Variants in PTH2R observed in about 807,000 individuals in gnomAD.
PTH2R encodes the protein parathyroid hormone 2 receptor, also known as PTH2 receptor.
A neutral mutation model predicts 60.3 loss-of-function variants in PTH2R; 59 were observed. That is an observed-to-expected ratio of 0.98 (90% CI 0.79 to 1.22). The LOEUF is 1.22. Ranked by LOEUF, PTH2R falls within the 50% of genes most tolerant of loss-of-function variation. PTH2R has a pLI of 0.00. For missense variants in PTH2R, 749 were observed against 682.6 expected, an observed-to-expected ratio of 1.10 and a Z score of -1.08; for synonymous variants, 256 against 243.8, an observed-to-expected ratio of 1.05 and a Z score of -0.47.
At chr2:208,426,703 C>T (rs75825260) in intron 1 of PTH2R, among the ~76,000 whole-genome samples, 6,323 of 152,252 alleles carry the variant, frequency 0.042, 409 homozygotes, top group African/African-American at 0.14. Context: ...GCACTCGCTT[C>T]GTCCTGCTGC....
intron 1 of PTH2R, among the ~76,000 whole-genome samples, chr2:208,424,985 A>T (rs1701828451): frequency 6.6e-6 from 1 of 152,188 alleles, no homozygotes. Context: ...CAAGAAACTA[A>T]GCAAATCAAA....
At chr2:208,369,716 G>A (rs1700658717) in intron 1 of PTH2R, among the ~76,000 whole-genome samples, 1 of 152,038 alleles carries the variant, frequency 6.6e-6, no homozygotes, top group South Asian at 2.1e-4. Flanking sequence ...AGTGGTCAGA[G>A]AAATGTGAAG....
intron 1 of PTH2R, among the ~76,000 whole-genome samples, chr2:208,369,366 C>T (rs1422043337): frequency 3.9e-4 from 53 of 135,076 alleles, no homozygotes; most frequent in African/African-American, 1.3e-3. Flanking sequence ...ACTGGTCTCT[C>T]TCTCTTTTTT....
chr2:208,431,821 A>C (rs1255388994), intron 2 of PTH2R, among the ~76,000 whole-genome samples: 1 of 152,234 alleles, frequency 6.6e-6, no homozygotes, highest in Non-Finnish European at 1.5e-5. Flanking sequence ...TAAACAGGTC[A>C]ATAGAAGCCT....
intron 7 of PTH2R, among the ~76,000 whole-genome samples, chr2:208,449,630 A>G (rs982062476): frequency 5.3e-5 from 8 of 152,200 alleles, no homozygotes; most frequent in African/African-American, 1.7e-4. Flanking sequence ...TTCAGTAGTG[A>G]TATAGGCAGG....
At chr2:208,444,712 A>T (rs750413695) in intron 6 of PTH2R, 22 bp from the exon 7 acceptor site, 1 of 1,607,270 alleles carries the variant, frequency 6.2e-7, no homozygotes, top group Non-Finnish European at 8.5e-7. Flanking sequence ...AATATGATGA[A>T]ATTCTGGTTT....
At chr2:208,481,541 T>C (rs566844056) in intron 10 of PTH2R, among the ~76,000 whole-genome samples, 1 of 152,306 alleles carries the variant, frequency 6.6e-6, no homozygotes, top group African/African-American at 2.4e-5. Flanking sequence ...AGAACAGATA[T>C]AAATTGATTT....
chr2:208,434,500 C>T (rs1264031799), intron 2 of PTH2R, among the ~76,000 whole-genome samples: 2 of 152,056 alleles, frequency 1.3e-5, no homozygotes, highest in Non-Finnish European at 2.9e-5. Context: ...AACGAGAAAG[C>T]TGTCCCTTTT....
chr2:208,470,218 G>T (rs1429199322), intron 9 of PTH2R, among the ~76,000 whole-genome samples: 1 of 152,188 alleles, frequency 6.6e-6, no homozygotes, highest in East Asian at 1.9e-4. Context: ...TTAGGGAAAA[G>T]AAAAGGAGGA....
At chr2:208,441,631 A>G (rs557413380) in intron 4 of PTH2R, among the ~76,000 whole-genome samples, 159 of 152,358 alleles carry the variant, frequency 1.0e-3, no homozygotes, top group Non-Finnish European at 2.0e-3. Context: ...TAGAGACAGA[A>G]AACAGATTAA....
At chr2:208,428,577 T>G (rs1051340687) in intron 2 of PTH2R, among the ~76,000 whole-genome samples, 1 of 152,214 alleles carries the variant, frequency 6.6e-6, no homozygotes, top group Admixed American at 6.5e-5. Flanking sequence ...TCTTCAGGGT[T>G]TGTCTGCCTG....
chr2:208,429,703 G>A (rs1254357629), intron 2 of PTH2R, among the ~76,000 whole-genome samples: 1 of 151,870 alleles, frequency 6.6e-6, no homozygotes. Flanking sequence ...TATTCGCATT[G>A]TTGTGCAATC....
chr2:208,407,181 C>T (rs1041413103), intron 1 of PTH2R, 63 bp downstream of exon 1: 2 of 1,347,692 alleles, frequency 1.5e-6, no homozygotes, highest in Non-Finnish European at 1.9e-6. Flanking sequence ...TCAGCTTTAG[C>T]GACACGGAGG....
chr2:208,374,871 A>T (rs544159191), intron 1 of PTH2R, among the ~76,000 whole-genome samples: 1 of 152,094 alleles, frequency 6.6e-6, no homozygotes, highest in Non-Finnish European at 1.5e-5. Flanking sequence ...ATCAAAAAAC[A>T]TGCATTGAAC....
intron 1 of PTH2R, 31 bp from the exon 2 acceptor site, chr2:208,428,170 G>A: frequency 6.6e-7 from 1 of 1,511,636 alleles, no homozygotes; most frequent in Non-Finnish European, 9.2e-7. Flanking sequence ...AAAACATGAT[G>A]AAAATGTTTG....
intron 2 of PTH2R, among the ~76,000 whole-genome samples, chr2:208,429,336 T>C (rs1045550133): frequency 6.6e-6 from 1 of 152,168 alleles, no homozygotes; most frequent in African/African-American, 2.4e-5. Context: ...ATGATGAATA[T>C]TTCAACTTTT....
chr2:208,401,043 G>A (rs1407987887), intron 1 of PTH2R, among the ~76,000 whole-genome samples: 2 of 152,248 alleles, frequency 1.3e-5, no homozygotes, highest in Non-Finnish European at 2.9e-5. Context: ...TGATCATTAT[G>A]TGAATACATT....
intron 1 of PTH2R, among the ~76,000 whole-genome samples, chr2:208,423,949 T>C (rs1186424978): frequency 6.6e-6 from 1 of 152,190 alleles, no homozygotes; most frequent in Non-Finnish European, 1.5e-5. Flanking sequence ...AGTAGAAGTT[T>C]TGGTTCCTCC....
At chr2:208,450,709 TTAAAA>T (rs781572252) in intron 7 of PTH2R, 35 bp from the exon 8 acceptor site, 1 of 1,601,070 alleles carries the variant, frequency 6.2e-7, no homozygotes, top group Non-Finnish European at 8.6e-7. Context: ...CTCCTTAATC[TTAAAA>T]TAAATCTAGT....
Sources: allele counts gnomAD v4.1 joint callset (sites outside exome capture counted in the v4.1 genomes callset), GRCh38; gene constraint gnomAD v4.1.1; transcripts MANE v1.5; gene names NCBI Gene and HGNC (gene_info 2026-07-23, HGNC 2026-07-21).